The following MAPK8 variants were observed in gnomAD, a reference collection of about 807,000 sequenced individuals.
MAPK8 encodes mitogen-activated protein kinase 8.
MAPK8 carries 13 observed loss-of-function variants against 52.9 expected under a neutral mutation model. The ratio of observed to expected loss-of-function variants is 0.25; its 90% CI spans 0.16 to 0.39. MAPK8 has a LOEUF of 0.39. MAPK8 is among the 10% of genes least tolerant of loss of function. The probability of loss-of-function intolerance (pLI) is 1.00; values close to 1 mark genes in which losing one functional copy is unlikely to be tolerated. For missense variants in MAPK8, 300 were observed against 519.2 expected (o/e 0.58, Z 4.10); for synonymous variants, 191 against 169.8 (o/e 1.12, Z -0.97).
rs192078486 is a variant in MAPK8, at chr10:48,341,724, C to T, written c.-50+34903C>T. On this transcript the variant is annotated intron_variant, in intron 1 of 11. Coordinates refer to ENST00000374189, the MANE Select transcript of MAPK8 (RefSeq NM_001323329.2). ...TAATTGTAAAAATAAACAATTAGAA[C>T]TCTGATGAGTACAATGAAAGAGAAG... Among the ~76,000 whole-genome samples, 3 of 152,256 alleles carry T rather than the reference C, an allele frequency of 2.0e-5. No individual in the cohort carries two copies. The East Asian group carries it at 5.8e-4, about 29-fold the overall frequency.
intron 3 of MAPK8, among the ~76,000 whole-genome samples, chr10:48,407,361 T>G (rs541884013): frequency 1.3e-5 from 2 of 152,322 alleles, no homozygotes; most frequent in East Asian, 1.9e-4. Flanking sequence ...ATATACTGTG[T>G]CTGGTTGCAT....
At chr10:48,389,134 A>C (rs1053600168) in intron 1 of MAPK8, among the ~76,000 whole-genome samples, 1 of 152,188 alleles carries the variant, frequency 6.6e-6, no homozygotes, top group Non-Finnish European at 1.5e-5. Flanking sequence ...CTTAAAATAT[A>C]GTTGAAAAAT....
chr10:48,310,797 C>T (rs933160703), intron 1 of MAPK8, among the ~76,000 whole-genome samples: 1 of 151,758 alleles, frequency 6.6e-6, no homozygotes, highest in African/African-American at 2.4e-5. Context: ...AGAGAGGAGA[C>T]CCCTTTTTGG....
intron 2 of MAPK8, among the ~76,000 whole-genome samples, chr10:48,402,859 A>G (rs2042229726): frequency 6.6e-6 from 1 of 152,226 alleles, no homozygotes; most frequent in Non-Finnish European, 1.5e-5. Context: ...AGAATAAAAA[A>G]TTGTGATACA....
In MAPK8 at chr10:48,356,100, A is replaced by G. The variant is rs117384438; in HGVS notation, c.-49-45512A>G. 9.1e-3 allele frequency among the ~76,000 whole-genome samples: 1,384 copies of G among 152,350 alleles called. 6 individuals are homozygous for G. Among genetic ancestry groups the G allele is most frequent in the Admixed American group, 0.015 (234 of 15,308 alleles). ...AAGTGACTCTCAGACAGGAGGCCAG[A>G]GATACAAGAAAGATCAAAAAGCATA... On this transcript the variant is annotated intron_variant, in intron 1 of 11. Transcript: ENST00000374189.
At chr10:48,316,607 A>G (rs1490683705) in intron 1 of MAPK8, among the ~76,000 whole-genome samples, 2 of 152,180 alleles carry the variant, frequency 1.3e-5, no homozygotes, top group African/African-American at 4.8e-5. Context: ...TGTAGACAGG[A>G]GGGTCTTAAG....
intron 1 of MAPK8, among the ~76,000 whole-genome samples, chr10:48,338,778 A>G (rs1185828467): frequency 6.6e-6 from 1 of 152,258 alleles, no homozygotes; most frequent in Admixed American, 6.5e-5. Context: ...CTATACACCA[A>G]TAACATTCAA....
At chr10:48,337,395 A>T (rs868631665) in intron 1 of MAPK8, among the ~76,000 whole-genome samples, 20 of 151,924 alleles carry the variant, frequency 1.3e-4, no homozygotes, top group African/African-American at 3.1e-4. Flanking sequence ...CAGAAATACA[A>T]TTTTTTTTGG....
At chr10:48,355,756 C>G (rs936997866) in intron 1 of MAPK8, among the ~76,000 whole-genome samples, 2 of 152,064 alleles carry the variant, frequency 1.3e-5, no homozygotes, top group African/African-American at 4.8e-5. Flanking sequence ...CAACACTAAA[C>G]TATACATTGA....
At chr10:48,337,313 C>T (rs1173147020) in intron 1 of MAPK8, among the ~76,000 whole-genome samples, 1 of 152,098 alleles carries the variant, frequency 6.6e-6, no homozygotes, top group Non-Finnish European at 1.5e-5. Flanking sequence ...AAGAATAACT[C>T]TGAAAGCCAC....
chr10:48,335,882 A>G (rs1460458775), intron 1 of MAPK8, among the ~76,000 whole-genome samples: 5 of 152,196 alleles, frequency 3.3e-5, no homozygotes, highest in Non-Finnish European at 7.4e-5. Flanking sequence ...TTCATATTCT[A>G]TTATATTAAA....
intron 3 of MAPK8, among the ~76,000 whole-genome samples, chr10:48,406,603 C>T (rs2042484718): frequency 6.6e-6 from 1 of 152,176 alleles, no homozygotes; most frequent in South Asian, 2.1e-4. Flanking sequence ...GAGTATAAAG[C>T]TAAATATGGG....
intron 1 of MAPK8, among the ~76,000 whole-genome samples, chr10:48,320,313 C>G (rs903721750): frequency 7.1e-6 from 1 of 140,586 alleles, no homozygotes; most frequent in African/African-American, 2.6e-5. Context: ...TCGTGGCTCA[C>G]TACAGGCTGA....
chr10:48,420,453 A>G lies in MAPK8; in HGVS notation c.616+133A>G, dbSNP rs74662448. 6.0e-4 allele frequency: 516 copies of G among 865,688 alleles called. 2 individuals carry two copies. The African/African-American group carries it at 8.0e-3, about 13-fold the overall frequency. The allele number at this position is 865,688 out of a possible 1,614,324, so 53.6% of individuals were successfully genotyped here. Reference sequence around the variant, plus strand: ...ATCATTGTTTGAAATGTGTATCAAAAGTTTGCAGGTAACTATAAATTTTTT... The same window carrying G: ...ATCATTGTTTGAAATGTGTATCAAAGGTTTGCAGGTAACTATAAATTTTTT... On this transcript the variant is annotated intron_variant, in intron 6 of 11. Transcript: ENST00000374189.
At chr10:48,410,245 A>G in intron 5 of MAPK8, 77 bp downstream of exon 5, 1 of 1,326,684 alleles carries the variant, frequency 7.5e-7, no homozygotes, top group Non-Finnish European at 1.0e-6. Context: ...TAACCATTCT[A>G]AAGTGGCATT....
At chr10:48,378,466 A>G (rs906281316) in intron 1 of MAPK8, among the ~76,000 whole-genome samples, 1 of 152,218 alleles carries the variant, frequency 6.6e-6, no homozygotes, top group Non-Finnish European at 1.5e-5. Flanking sequence ...CATTGACTAC[A>G]ATCAAAAAGT....
At chr10:48,402,780 A>G (rs552818228) in intron 2 of MAPK8, among the ~76,000 whole-genome samples, 1 of 152,236 alleles carries the variant, frequency 6.6e-6, no homozygotes, top group Non-Finnish European at 1.5e-5. Flanking sequence ...GGAGTCATGC[A>G]TAGGATTGGT....
In MAPK8 at chr10:48,424,081, CAT is replaced by C; in HGVS notation, c.617-3_617-2del. ...GCTTTTCCTTCTTTTGTGCTGCAAA[CAT>C]ATAGTGGATTTATGGTCTGTGGGGT... is the stretch of plus-strand genomic sequence containing the variant. On this transcript the variant is annotated splice_polypyrimidine_tract_variant and splice_region_variant and intron_variant, in intron 6 of 11. Coordinates refer to ENST00000374189, the MANE Select transcript of MAPK8 (RefSeq NM_001323329.2). The C allele has an allele frequency of 1.2e-6, 2 of 1,609,556 alleles. No individual in the cohort carries two copies. The highest frequency in any genetic ancestry group is 1.7e-6 in the Non-Finnish European group (2 of 1,177,098).
intron 1 of MAPK8, among the ~76,000 whole-genome samples, chr10:48,323,651 TC>T (rs1382204021): frequency 6.6e-6 from 1 of 152,228 alleles, no homozygotes; most frequent in Non-Finnish European, 1.5e-5. Context: ...TTCCCATACT[TC>T]TTAAATTTCA....
Sources: gnomAD v4.1 joint callset for allele counts (sites outside exome capture counted in the v4.1 genomes callset) on GRCh38, gnomAD v4.1.1 for gene constraint, MANE v1.5 for transcripts, NCBI Gene and HGNC (gene_info 2026-07-23, HGNC 2026-07-21) for gene names.